The following EEF2K variants were observed in gnomAD, a reference collection of about 807,000 sequenced individuals.
The protein encoded by EEF2K is alternative protein EEF2K.
In EEF2K, 70 loss-of-function variants were observed where a neutral mutation model predicts 93.8. The observed-to-expected ratio is 0.75, with a 90% confidence interval of 0.62 to 0.91. The LOEUF is 0.91. Among genes scored for constraint, EEF2K ranks in the 40% least tolerant of loss-of-function variants. EEF2K has a pLI of 0.00. For missense variants in EEF2K, 935 were observed against 972.9 expected (o/e 0.96, Z 0.52); for synonymous variants, 376 against 380.8 (o/e 0.99, Z 0.15).
Position 22,251,211 on chromosome 16 carries a change from G to A in EEF2K, c.507G>A (p.Ala169=), listed in dbSNP as rs146399588. 4.0e-5 allele frequency: 64 copies of A among 1,613,996 alleles called. No individual in the cohort carries two copies. Among genetic ancestry groups the A allele is most frequent in the Middle Eastern group, 3.3e-4 (2 of 6,084 alleles). The change falls in exon 6 of 18, where the codon GCG becomes GCA. Residue 169 remains alanine, a synonymous_variant. Coordinates refer to ENST00000263026, the MANE Select transcript of EEF2K (RefSeq NM_013302.5). ...GGAAGGGCGCCTCCAACTACGTGGC[G>A]AAGCGCTACATCGAGCCCGTAGACC... is the stretch of plus-strand genomic sequence containing the variant. The part of the protein sequence containing the change: ...QQWKGASNYV[A]KRYIEPVDRD...
chr16:22,259,017 A>C (rs908602736), intron 10 of EEF2K, among the ~76,000 whole-genome samples: 5 of 135,272 alleles, frequency 3.7e-5, no homozygotes, highest in African/African-American at 1.1e-4. Context: ...GTGTATAGAG[A>C]ACAAAAAAAA....
intron 6 of EEF2K, among the ~76,000 whole-genome samples, chr16:22,256,370 T>C (rs534364705): frequency 6.6e-6 from 1 of 152,198 alleles, no homozygotes; most frequent in African/African-American, 2.4e-5. Flanking sequence ...AGGGCTGGGA[T>C]TACAGGTGTG....
rs902735608 is a variant in EEF2K, at chr16:22,285,042, T to C, written c.*1046T>C. On this transcript the variant is annotated 3_prime_UTR_variant, in exon 18 of 18. Coordinates refer to ENST00000263026, the MANE Select transcript of EEF2K (RefSeq NM_013302.5). ...TGGGCTTTTCAAAACAGGTTTGAGT[T>C]TTGTATGCACACGTTTACTACCTCT... 3 of 152,616 alleles carry C rather than the reference T, an allele frequency of 2.0e-5. No homozygotes were observed. The Admixed American group carries it at 2.0e-4, about 10-fold the overall frequency. 9.5% of individuals were successfully genotyped at this position (152,616 alleles called of 1,614,324 possible).
intron 15 of EEF2K, among the ~76,000 whole-genome samples, chr16:22,268,798 A>G (rs1567287017): frequency 6.6e-6 from 1 of 151,982 alleles, no homozygotes; most frequent in Non-Finnish European, 1.5e-5. Flanking sequence ...TCTACCAAAA[A>G]TATAACAAAT....
chr16:22,251,872 C>T (rs1253267994), intron 6 of EEF2K, among the ~76,000 whole-genome samples: 2 of 152,258 alleles, frequency 1.3e-5, no homozygotes, highest in East Asian at 3.9e-4. Flanking sequence ...CAGCTCACTG[C>T]AGCCTCAACC....
At chr16:22,265,169 G>A (rs957275892) in intron 13 of EEF2K, 15 of 306,696 alleles carry the variant, frequency 4.9e-5, no homozygotes, top group South Asian at 1.3e-4. Context: ...AAGGCACTTC[G>A]CAGTAATCAG....
chr16:22,279,376 T>A (rs561776483), intron 16 of EEF2K, among the ~76,000 whole-genome samples: 22 of 152,036 alleles, frequency 1.4e-4, no homozygotes, highest in Admixed American at 4.6e-4. Context: ...TAGCTGGGAC[T>A]ACAGGTGTCC....
At chr16:22,227,949 A>G (rs1461043316) in intron 2 of EEF2K, among the ~76,000 whole-genome samples, 1 of 151,456 alleles carries the variant, frequency 6.6e-6, no homozygotes, top group African/African-American at 2.4e-5. Flanking sequence ...AAAAAAAAAA[A>G]GAAAAAATGC....
chr16:22,211,581 T>C (rs1179320190), intron 1 of EEF2K, among the ~76,000 whole-genome samples: 1 of 152,152 alleles, frequency 6.6e-6, no homozygotes, highest in Non-Finnish European at 1.5e-5. Context: ...TGCTTCAGCC[T>C]CTCAAGTAGC....
At chr16:22,233,025 T>C (rs2047131247) in intron 2 of EEF2K, among the ~76,000 whole-genome samples, 1 of 152,232 alleles carries the variant, frequency 6.6e-6, no homozygotes, top group Non-Finnish European at 1.5e-5. Flanking sequence ...CCCAGCCTTC[T>C]GCCCAAGCTC....
At position 22,244,309 on chromosome 16, in the gene EEF2K, G is replaced by GTA. The variant is rs1555471050; in HGVS notation, c.247-317_247-316dup. 1.4e-3 allele frequency among the ~76,000 whole-genome samples: 193 copies of GTA among 142,116 alleles called. 2 individuals are homozygous for GTA. Among genetic ancestry groups the GTA allele is most frequent in the South Asian group, 2.9e-3 (13 of 4,430 alleles). 93.2% of individuals were successfully genotyped at this position (142,116 alleles called of 152,430 possible). A position where few individuals can be genotyped will look rare whatever the true frequency, so the allele number is the denominator to read the frequency against. On this transcript the variant is annotated intron_variant, in intron 2 of 17. Transcript: ENST00000263026. ...TGTGTGTGTGTGTGTGTGTGTGTGT[G>GTA]TATATCCTATATAATATATATATAA...
intron 1 of EEF2K, among the ~76,000 whole-genome samples, chr16:22,209,032 GTGTT>G (rs1318222079): frequency 7.9e-5 from 12 of 152,118 alleles, no homozygotes; most frequent in Non-Finnish European, 1.6e-4. Flanking sequence ...GCCAGAGGGA[GTGTT>G]TGTTGTTTTT....
chr16:22,244,560 G>C (rs775842966), intron 2 of EEF2K, 70 bp from the exon 3 acceptor site: 111 of 1,443,162 alleles, frequency 7.7e-5, no homozygotes, highest in Non-Finnish European at 1.1e-4. Context: ...CAGGGCAGGA[G>C]GAGTCCACGC....
At chr16:22,227,514 C>T (rs1373362332) in intron 2 of EEF2K, among the ~76,000 whole-genome samples, 2 of 152,150 alleles carry the variant, frequency 1.3e-5, no homozygotes, top group Admixed American at 1.3e-4. Flanking sequence ...TGAGCCACTG[C>T]ACCCAGCCTA....
At chr16:22,208,033 C>T (rs1474481871) in intron 1 of EEF2K, among the ~76,000 whole-genome samples, 1 of 152,236 alleles carries the variant, frequency 6.6e-6, no homozygotes, top group East Asian at 1.9e-4. Context: ...TCAACAACTA[C>T]AGTAAAACCT....
chr16:22,273,129 G>C (rs1156759516), intron 15 of EEF2K, among the ~76,000 whole-genome samples: 1 of 152,224 alleles, frequency 6.6e-6, no homozygotes, highest in Admixed American at 6.5e-5. Flanking sequence ...CAGTGTTATA[G>C]CTTAGGCAGT....
At chr16:22,245,924 T>C (rs1195990804) in intron 3 of EEF2K, among the ~76,000 whole-genome samples, 3 of 152,136 alleles carry the variant, frequency 2.0e-5, no homozygotes, top group African/African-American at 4.8e-5. Context: ...CTAATTCTGT[T>C]CCTCTAATTG....
In EEF2K at chr16:22,284,643, T is replaced by G. The variant is rs1598213316; in HGVS notation, c.*647T>G. On this transcript the variant is annotated 3_prime_UTR_variant, in exon 18 of 18. Coordinates refer to ENST00000263026, the MANE Select transcript of EEF2K (RefSeq NM_013302.5). ...TTTTTTGTCACGAGATATAAGAAAG[T>G]GCTTTTTGCCTTGAATGGACAATTT... 6.6e-6 allele frequency: 1 copy of G among 151,254 alleles called. No individual in the cohort carries two copies. The highest frequency in any genetic ancestry group is 2.4e-5 in the African/African-American group (1 of 41,022). 9.4% of individuals were successfully genotyped at this position (151,254 alleles called of 1,614,324 possible).
Position 22,260,507 on chromosome 16 carries a change from A to G in EEF2K, c.1277A>G (p.His426Arg), listed in dbSNP as rs1317990084. 2.5e-6 allele frequency: 4 copies of G among 1,614,118 alleles called. No individual in the cohort carries two copies. The highest frequency in any genetic ancestry group is 1.7e-5 in the Admixed American group (1 of 60,012). The change falls in exon 11 of 18, where the codon CAT becomes CGT. Residue 426 changes from histidine (H) to arginine (R), a missense_variant. By Grantham distance (29) the His-to-Arg change is conservative. Coordinates refer to ENST00000263026, the MANE Select transcript of EEF2K (RefSeq NM_013302.5). ...SDLDNMASRD[H>R]DHLDNHRESE... ...CTCGATAACATGGCATCCAGAGACC[A>G]TGATCATCTAGACAACCACCGGGTG...
Sources: allele counts gnomAD v4.1 joint callset (sites outside exome capture counted in the v4.1 genomes callset), GRCh38; gene constraint gnomAD v4.1.1; transcripts MANE v1.5; gene names NCBI Gene and HGNC (gene_info 2026-07-23, HGNC 2026-07-21).